Variants in DIAPH3 observed in about 807,000 individuals in gnomAD.
DIAPH3 encodes the protein diaphanous related formin 3.
DIAPH3 carries 117 observed loss-of-function variants against 144.3 expected under a neutral mutation model. The ratio of observed to expected loss-of-function variants is 0.81; its 90% CI spans 0.70 to 0.95. The LOEUF is 0.95. Among genes scored for constraint, DIAPH3 ranks in the 40% least tolerant of loss-of-function variants. DIAPH3 has a pLI of 0.00. For missense variants in DIAPH3, 1,421 were observed against 1,412.7 expected (o/e 1.01, Z -0.09); for synonymous variants, 519 against 488.9 (o/e 1.06, Z -0.81).
intron 4 of DIAPH3, among the ~76,000 whole-genome samples, chr13:60,048,178 G>C (rs989546847): frequency 1.3e-5 from 2 of 152,154 alleles, no homozygotes; most frequent in African/African-American, 4.8e-5. Flanking sequence ...GCAAAACCTC[G>C]CCTCTCCAGG....
intron 17 of DIAPH3, among the ~76,000 whole-genome samples, chr13:59,961,528 T>A (rs2049759409): frequency 6.6e-6 from 1 of 152,136 alleles, no homozygotes; most frequent in Non-Finnish European, 1.5e-5. Flanking sequence ...AAATGGCAAG[T>A]TTTTAAAGCC....
At chr13:60,138,819 G>T (rs1213102541) in intron 1 of DIAPH3, among the ~76,000 whole-genome samples, 1 of 65,686 alleles carries the variant, frequency 1.5e-5, no homozygotes, top group African/African-American at 5.8e-5. Flanking sequence ...GAAGAGGGAA[G>T]AGGGGAGGGG....
intron 4 of DIAPH3, among the ~76,000 whole-genome samples, chr13:60,071,806 T>G (rs2057217989): frequency 6.6e-6 from 1 of 152,166 alleles, no homozygotes; most frequent in Admixed American, 6.5e-5. Context: ...TTTTAAAACT[T>G]TTAACCCTAA....
At chr13:59,677,993 G>C (rs1194684188) in intron 27 of DIAPH3, among the ~76,000 whole-genome samples, 1 of 152,160 alleles carries the variant, frequency 6.6e-6, no homozygotes, top group Non-Finnish European at 1.5e-5. Context: ...TTACCGTTCA[G>C]AGACTCTTCT....
intron 1 of DIAPH3, among the ~76,000 whole-genome samples, chr13:60,150,970 A>G (rs1594787595): frequency 6.6e-6 from 1 of 152,158 alleles, no homozygotes; most frequent in Admixed American, 6.5e-5. Context: ...CAGAGGCTGT[A>G]GTAGGTCTAC....
intron 27 of DIAPH3, among the ~76,000 whole-genome samples, chr13:59,670,583 CTTTTTT>C (rs1229739034): frequency 0.033 from 4,488 of 134,664 alleles, 256 homozygotes; most frequent in African/African-American, 0.11. Context: ...TGGAAGTTCA[CTTTTTT>C]TTTTTTTTTT....
rs548656819 is a variant in DIAPH3 at position 59,919,348 on chromosome 13, T to A, written c.2171-3099A>T. Among the ~76,000 whole-genome samples, 5 of 152,156 alleles carry A rather than the reference T, an allele frequency of 3.3e-5. No homozygotes were observed. The East Asian group carries it at 9.7e-4, about 29-fold the overall frequency. On this transcript the variant is annotated intron_variant, in intron 18 of 27. Coordinates refer to ENST00000400324, the MANE Select transcript of DIAPH3 (RefSeq NM_001042517.2). The stretch of plus-strand genomic sequence containing the variant: ...TGTCTAGTATGATTGAATCCAATAC[T>A]ACACCATGACATTATAATCAAACTG...
intron 4 of DIAPH3, among the ~76,000 whole-genome samples, chr13:60,076,167 C>T (rs1025211188): frequency 3.3e-5 from 5 of 152,188 alleles, no homozygotes; most frequent in African/African-American, 1.2e-4. Flanking sequence ...GCCTTTAGAA[C>T]CTAGCAGAGT....
At chr13:59,850,305 C>T (rs1227979478) in intron 22 of DIAPH3, among the ~76,000 whole-genome samples, 1 of 149,710 alleles carries the variant, frequency 6.7e-6, no homozygotes. Flanking sequence ...ATTGAATACC[C>T]TTTATTTCCT....
At chr13:59,868,485 TAC>T (rs1441836662) in intron 21 of DIAPH3, among the ~76,000 whole-genome samples, 1 of 152,106 alleles carries the variant, frequency 6.6e-6, no homozygotes, top group Non-Finnish European at 1.5e-5. Context: ...TACCCTTCCC[TAC>T]ACACACACAA....
chr13:59,885,601 A>C (rs1336253288), intron 20 of DIAPH3, among the ~76,000 whole-genome samples: 2 of 151,928 alleles, frequency 1.3e-5, no homozygotes, highest in African/African-American at 4.8e-5. Flanking sequence ...AACCCACCCC[A>C]GTTTGGAGCT....
At chr13:59,749,242 C>T (rs1161067913) in intron 27 of DIAPH3, among the ~76,000 whole-genome samples, 5 of 140,878 alleles carry the variant, frequency 3.5e-5, no homozygotes, top group Admixed American at 7.5e-5. Context: ...AAAGTACGGC[C>T]GGGTGCAGTG....
intron 27 of DIAPH3, among the ~76,000 whole-genome samples, chr13:59,732,941 T>G (rs1817807450): frequency 6.6e-6 from 1 of 152,162 alleles, no homozygotes; most frequent in Non-Finnish European, 1.5e-5. Context: ...ATACATCACC[T>G]GTAGTACAGG....
chr13:60,042,942 G>A, intron 4 of DIAPH3, 122 bp from the exon 5 acceptor site: 4 of 1,138,608 alleles, frequency 3.5e-6, no homozygotes, highest in Non-Finnish European at 3.8e-6. Context: ...TTTGGGCAAG[G>A]GTGGTAAATA....
chr13:60,070,854 A>C (rs2057179328), intron 4 of DIAPH3, among the ~76,000 whole-genome samples: 1 of 152,214 alleles, frequency 6.6e-6, no homozygotes, highest in Non-Finnish European at 1.5e-5. Flanking sequence ...CCACATGTTT[A>C]TACAAAGAAC....
At position 59,983,819 on chromosome 13, in the gene DIAPH3, G is replaced by C. The variant is rs2051192706; in HGVS notation, c.1430C>G (p.Pro477Arg). The C allele has an allele frequency of 1.9e-6, 3 of 1,609,870 alleles. No homozygotes were observed. The highest frequency in any genetic ancestry group is 1.1e-5 in the South Asian group (1 of 90,938). ...QIVLHRDGMD[P>R]DFTYRKRLDL... ...TAGTCTTTTTCGATATGTGAAGTCT[G>C]GATCCATTCCATCTCTATGCAATAC... The change falls in exon 13 of 28, where the codon CCA (proline) becomes CGA (arginine). Residue 477 changes from proline (P) to arginine (R), a missense_variant. Pro to Arg is a moderately radical substitution (Grantham distance 103, BLOSUM62 -2). Transcript: ENST00000400324.
chr13:59,962,181 A>C (rs1304471634), intron 17 of DIAPH3, among the ~76,000 whole-genome samples: 1 of 152,232 alleles, frequency 6.6e-6, no homozygotes, highest in African/African-American at 2.4e-5. Flanking sequence ...TCACCACTGC[A>C]CAAATTAGAG....
chr13:59,973,140 T>C (rs2050484198), intron 15 of DIAPH3, among the ~76,000 whole-genome samples: 3 of 152,160 alleles, frequency 2.0e-5, no homozygotes. Flanking sequence ...TTAATTTCAC[T>C]TTCAAAACAT....
intron 25 of DIAPH3, among the ~76,000 whole-genome samples, chr13:59,781,619 C>G (rs2038741924): frequency 6.6e-6 from 1 of 152,112 alleles, no homozygotes; most frequent in Non-Finnish European, 1.5e-5. Flanking sequence ...TCTATTGTGT[C>G]GGACCATTTG....
Sources: allele counts gnomAD v4.1 joint callset (sites outside exome capture counted in the v4.1 genomes callset), GRCh38; gene constraint gnomAD v4.1.1; transcripts MANE v1.5; gene names NCBI Gene and HGNC (gene_info 2026-07-23, HGNC 2026-07-21).